SPOCK1: variants seen among roughly 807,000 people sequenced by gnomAD.
SPOCK1 encodes the protein testican-1.
Under a neutral mutation model 55.3 loss-of-function variants are expected in SPOCK1, and 23 were observed. The ratio of observed to expected loss-of-function variants is 0.42; its 90% CI spans 0.30 to 0.59. SPOCK1 has a LOEUF of 0.59. Ranked by LOEUF, SPOCK1 falls within the 20% of genes least tolerant of loss-of-function variation. The pLI, the probability that SPOCK1 is intolerant of heterozygous loss-of-function variation, is 0.22. For synonymous variants in SPOCK1, 226 were observed against 221.0 expected (o/e 1.02, Z -0.20); for missense variants, 499 against 552.5 (o/e 0.90, Z 0.97).
At chr5:137,083,384 C>T (rs1265614648) in intron 5 of SPOCK1, among the ~76,000 whole-genome samples, 2 of 152,144 alleles carry the variant, frequency 1.3e-5, no homozygotes, top group African/African-American at 4.8e-5. Context: ...CTGGCTCCAG[C>T]CTTACAAGCT....
chr5:137,124,624 G>T (rs530884864), intron 4 of SPOCK1, among the ~76,000 whole-genome samples: 33 of 152,326 alleles, frequency 2.2e-4, no homozygotes, highest in African/African-American at 7.7e-4. Flanking sequence ...GAGACAGTCA[G>T]CAGTGTGCAC....
At chr5:137,204,062 T>C (rs1006581456) in intron 3 of SPOCK1, among the ~76,000 whole-genome samples, 2 of 152,148 alleles carry the variant, frequency 1.3e-5, no homozygotes, top group African/African-American at 4.8e-5. Flanking sequence ...TACTCTGCAT[T>C]TGCTTGGTGG....
rs55836854 is a variant in SPOCK1, at chr5:137,319,951, C to CAAAA, written c.187-52900_187-52897dup. Among the ~76,000 whole-genome samples, 13 of 85,556 alleles carry CAAAA rather than the reference C, an allele frequency of 1.5e-4. No individual in the cohort carries two copies. The South Asian group carries it at 2.2e-3, about 14-fold the overall frequency. 56.1% of individuals were successfully genotyped at this position (85,556 alleles called of 152,430 possible). ...TGGGCGACAGAGCGAGACTCCGTCTCAAAAAAAAAAAAAAAAAAAAAACAA... is the reference window on the plus strand; with the variant it reads ...TGGGCGACAGAGCGAGACTCCGTCTCAAAAAAAAAAAAAAAAAAAAAAAAAACAA... On this transcript the variant is annotated intron_variant, in intron 2 of 10. Coordinates refer to ENST00000394945, the MANE Select transcript of SPOCK1 (RefSeq NM_004598.4).
At chr5:137,116,590 G>A (rs1279297366) in intron 4 of SPOCK1, among the ~76,000 whole-genome samples, 1 of 151,878 alleles carries the variant, frequency 6.6e-6, no homozygotes, top group South Asian at 2.1e-4. Context: ...AGGTTACAGT[G>A]AGCCGAGATC....
At chr5:137,350,676 T>C (rs970424457) in intron 2 of SPOCK1, among the ~76,000 whole-genome samples, 4 of 152,116 alleles carry the variant, frequency 2.6e-5, no homozygotes, top group Non-Finnish European at 4.4e-5. Context: ...AGTTCATGAT[T>C]CCTCATCCTC....
intron 6 of SPOCK1, among the ~76,000 whole-genome samples, chr5:137,016,662 A>G (rs563921355): frequency 1.3e-5 from 2 of 152,320 alleles, no homozygotes; most frequent in South Asian, 4.1e-4. Flanking sequence ...TATCACAGGG[A>G]CGGGGTATAT....
chr5:137,148,247 T>C (rs1004617188), intron 3 of SPOCK1, among the ~76,000 whole-genome samples: 5 of 152,174 alleles, frequency 3.3e-5, no homozygotes, highest in Non-Finnish European at 1.5e-5. Context: ...ACTGAGAGTG[T>C]CTGGGAATTG....
At chr5:137,269,783 G>A (rs1756924253) in intron 2 of SPOCK1, among the ~76,000 whole-genome samples, 1 of 152,034 alleles carries the variant, frequency 6.6e-6, no homozygotes, top group South Asian at 2.1e-4. Flanking sequence ...GTTCATCCCT[G>A]AGACCCACTT....
chr5:137,317,811 G>C (rs572111371), intron 2 of SPOCK1, among the ~76,000 whole-genome samples: 7 of 152,144 alleles, frequency 4.6e-5, no homozygotes, highest in Non-Finnish European at 4.4e-5. Context: ...AGTCACGATG[G>C]GCATATTTTC....
intron 2 of SPOCK1, among the ~76,000 whole-genome samples, chr5:137,294,659 A>G (rs550858071): frequency 1.1e-4 from 17 of 152,224 alleles, no homozygotes; most frequent in Non-Finnish European, 2.4e-4. Flanking sequence ...TAAAGACAGC[A>G]TCCCACAGAG....
At chr5:137,169,188 G>A (rs140342240) in intron 3 of SPOCK1, among the ~76,000 whole-genome samples, 13 of 152,182 alleles carry the variant, frequency 8.5e-5, no homozygotes, top group African/African-American at 2.9e-4. Context: ...AGGCTGGAAA[G>A]TGTTGTGAGG....
At chr5:137,052,064 GC>G in intron 6 of SPOCK1, among the ~76,000 whole-genome samples, 1 of 152,284 alleles carries the variant, frequency 6.6e-6, no homozygotes, top group South Asian at 2.1e-4. Flanking sequence ...AGAAAGGGGT[GC>G]CCTTCTTTGC....
intron 6 of SPOCK1, among the ~76,000 whole-genome samples, chr5:137,009,117 G>A (rs1053782617): frequency 6.6e-6 from 1 of 152,098 alleles, no homozygotes; most frequent in East Asian, 1.9e-4. Context: ...TTCAGACCAG[G>A]TCACAAAGAG....
At chr5:137,358,698 G>A (rs959114303) in intron 2 of SPOCK1, among the ~76,000 whole-genome samples, 4 of 152,186 alleles carry the variant, frequency 2.6e-5, no homozygotes, top group African/African-American at 7.2e-5. Context: ...AACCTGGAAT[G>A]TTCCAGGTGG....
intron 2 of SPOCK1, among the ~76,000 whole-genome samples, chr5:137,383,684 G>T (rs879607334): frequency 6.6e-6 from 1 of 152,210 alleles, no homozygotes; most frequent in Non-Finnish European, 1.5e-5. Flanking sequence ...AGATGGAAAT[G>T]ATTGATGGGG....
chr5:137,009,550 A>T (rs1462146518), intron 6 of SPOCK1, among the ~76,000 whole-genome samples: 1 of 152,210 alleles, frequency 6.6e-6, no homozygotes, highest in East Asian at 1.9e-4. Flanking sequence ...CATATAAATG[A>T]GTGAGCAAAG....
intron 5 of SPOCK1, among the ~76,000 whole-genome samples, chr5:137,081,800 T>A (rs1261571567): frequency 6.6e-6 from 1 of 152,258 alleles, no homozygotes; most frequent in African/African-American, 2.4e-5. Context: ...AAAAGCCATA[T>A]AACTCAAAGA....
At chr5:137,025,380 A>G (rs1751656422) in intron 6 of SPOCK1, among the ~76,000 whole-genome samples, 1 of 152,158 alleles carries the variant, frequency 6.6e-6, no homozygotes, top group Non-Finnish European at 1.5e-5. Flanking sequence ...CAAGCCAGCA[A>G]CAGTGGGAAA....
intron 6 of SPOCK1, among the ~76,000 whole-genome samples, chr5:137,026,267 T>C (rs1407250404): frequency 6.6e-6 from 1 of 152,274 alleles, no homozygotes; most frequent in Non-Finnish European, 1.5e-5. Flanking sequence ...TCAATGTGGC[T>C]AGGCCACAGT....
Sources: allele counts gnomAD v4.1 joint callset (sites outside exome capture counted in the v4.1 genomes callset), GRCh38; gene constraint gnomAD v4.1.1; transcripts MANE v1.5; gene names NCBI Gene and HGNC (gene_info 2026-07-23, HGNC 2026-07-21).